The following ANK3 variants were observed in gnomAD, a reference collection of about 807,000 sequenced individuals.
ANK3 encodes the protein ankyrin 3.
A neutral mutation model predicts 370.9 loss-of-function variants in ANK3; 57 were observed. The ratio of observed to expected loss-of-function variants is 0.15; its 90% confidence interval spans 0.12 to 0.19. The LOEUF (loss-of-function observed/expected upper bound fraction) is 0.19, where lower values mean the gene tolerates loss of function less well. Among genes scored for constraint, ANK3 ranks in the 10% least tolerant of loss-of-function variants. The pLI is 1.00. For synonymous variants in ANK3, 1,929 were observed against 1,946.3 expected, an observed-to-expected ratio of 0.99 and a Z score of 0.23; for missense variants, 4,439 against 5,302.1, an observed-to-expected ratio of 0.84 and a Z score of 5.06.
intron 25 of ANK3, among the ~76,000 whole-genome samples, chr10:60,114,537 A>C (rs931453803): frequency 3.3e-5 from 5 of 152,232 alleles, no homozygotes; most frequent in African/African-American, 1.2e-4. Context: ...GTTTTATTTC[A>C]ATCTTTTAAG....
At chr10:60,733,070 G>A (rs1179254368) in intron 1 of ANK3, among the ~76,000 whole-genome samples, 1 of 151,848 alleles carries the variant, frequency 6.6e-6, no homozygotes, top group East Asian at 2.0e-4. Flanking sequence ...CAACTTCCAG[G>A]CGCAACTGGA....
rs151125913 is a variant in ANK3, at chr10:60,287,096, A to C, written c.115-7457T>G. Among the ~76,000 whole-genome samples the C allele has an allele frequency of 3.8e-3, 577 of 152,196 alleles. 2 individuals are homozygous for C. Among genetic ancestry groups the C allele is most frequent in the Non-Finnish European group, 5.9e-3 (401 of 68,002 alleles). ...GGCTCACCATTTGGAGCCCAGGTTAATGTGGGGTCTCTTATTAGACTATCC... is the reference window on the plus strand; with the variant it reads ...GGCTCACCATTTGGAGCCCAGGTTACTGTGGGGTCTCTTATTAGACTATCC... On this transcript the variant is annotated intron_variant, in intron 1 of 43. Transcript: ENST00000280772.
At chr10:60,610,888 A>G (rs1002156325) in intron 2 of ANK3, among the ~76,000 whole-genome samples, 2 of 152,176 alleles carry the variant, frequency 1.3e-5, no homozygotes. Context: ...GCTAAACAGT[A>G]TGCTTTGTGT....
At chr10:60,408,003 C>T (rs2063487394) in intron 2 of ANK3, among the ~76,000 whole-genome samples, 1 of 152,184 alleles carries the variant, frequency 6.6e-6, no homozygotes, top group Non-Finnish European at 1.5e-5. Flanking sequence ...TGCTGACTTG[C>T]CCCTACCCCT....
At chr10:60,068,512 C>T in intron 37 of ANK3, 125 bp downstream of exon 37, 1 of 1,021,624 alleles carries the variant, frequency 9.8e-7, no homozygotes, top group South Asian at 1.6e-5. Context: ...ACGGTTAAGT[C>T]ACTCCACAGG....
chr10:60,144,215 A>G, intron 23 of ANK3: 1 of 447,474 alleles, frequency 2.2e-6, no homozygotes, highest in Non-Finnish European at 4.5e-6. Context: ...TAATTTTGTA[A>G]TAGGTAACCA....
intron 25 of ANK3, among the ~76,000 whole-genome samples, chr10:60,124,212 C>A (rs12250925): frequency 0.015 from 2,346 of 152,262 alleles, 63 homozygotes; most frequent in African/African-American, 0.054. Context: ...GGCTCAAGTG[C>A]AGTGGCGCTA....
At chr10:60,694,823 G>C (rs550266933) in intron 1 of ANK3, among the ~76,000 whole-genome samples, 42 of 150,356 alleles carry the variant, frequency 2.8e-4, no homozygotes, top group East Asian at 2.7e-3. Flanking sequence ...TCGAGACTAG[G>C]AAGAAACTGC....
chr10:60,514,406 G>A (rs1449610605), intron 2 of ANK3, among the ~76,000 whole-genome samples: 1 of 152,082 alleles, frequency 6.6e-6, no homozygotes, highest in African/African-American at 2.4e-5. Context: ...TAAGCAATCA[G>A]AATGGCCCAG....
upstream of ANK3, chr10:60,389,952 A>G: frequency 1.4e-6 from 1 of 701,688 alleles, no homozygotes; most frequent in East Asian, 1.3e-4. Flanking sequence ...CACATGCAGA[A>G]GCAAAAATCC....
intron 2 of ANK3, among the ~76,000 whole-genome samples, chr10:60,595,565 T>C (rs79739088): frequency 0.011 from 1,688 of 152,220 alleles, 38 homozygotes; most frequent in African/African-American, 0.039. Context: ...ATGTTATCTA[T>C]AAGAGCAACT....
Position 60,645,892 on chromosome 10 carries a change from G to A in ANK3, c.58-30668C>T, listed in dbSNP as rs112294522. ...AGGTAGTAACAGTCTCCCTTCTTGC[G>A]GAGCTTACAGTCTAGGAGGGTACAC... On this transcript the variant is annotated intron_variant, in intron 1 of 43. Coordinates refer to the ANK3 transcript ENST00000373827. Among the ~76,000 whole-genome samples, 140 of 152,260 alleles carry A rather than the reference G, an allele frequency of 9.2e-4. 1 individual carries two copies. Among genetic ancestry groups the A allele is most frequent in the Middle Eastern group, 6.8e-3 (2 of 294 alleles).
At chr10:60,631,514 G>C (rs1221608987) in intron 1 of ANK3, among the ~76,000 whole-genome samples, 3 of 152,030 alleles carry the variant, frequency 2.0e-5, no homozygotes, top group East Asian at 1.9e-4. Flanking sequence ...CCTGGTGACA[G>C]AGTGATACTC....
chr10:60,054,053 C>T (rs2131906251), intron 42 of ANK3, among the ~76,000 whole-genome samples: 1 of 152,310 alleles, frequency 6.6e-6, no homozygotes, highest in Non-Finnish European at 1.5e-5. Context: ...AGGTTTAAAA[C>T]TAAATTTTCA....
intron 2 of ANK3, among the ~76,000 whole-genome samples, chr10:60,497,810 T>C (rs2075698145): frequency 6.6e-6 from 1 of 152,162 alleles, no homozygotes; most frequent in African/African-American, 2.4e-5. Flanking sequence ...TCCTAGATGA[T>C]AACACAGAGA....
At chr10:60,101,936 CATTT>C (rs1394140433) in intron 28 of ANK3, among the ~76,000 whole-genome samples, 4 of 151,942 alleles carry the variant, frequency 2.6e-5, no homozygotes, top group Admixed American at 6.6e-5. Flanking sequence ...AGGCATCATT[CATTT>C]GAGAGCATAC....
At chr10:60,128,900 T>A (rs976163222) in intron 25 of ANK3, among the ~76,000 whole-genome samples, 1 of 152,214 alleles carries the variant, frequency 6.6e-6, no homozygotes, top group African/African-American at 2.4e-5. Context: ...CACTGTCTAA[T>A]CTGGATCACA....
chr10:60,275,651 T>C lies in ANK3; in HGVS notation c.414+3123A>G, dbSNP rs983115933. Among the ~76,000 whole-genome samples, 4 of 152,072 alleles carry C rather than the reference T, an allele frequency of 2.6e-5. No homozygotes were observed. In the East Asian group the frequency reaches 7.7e-4, roughly 29 times the overall value. ...CCCATACTTGTACTGTCTAACTTTG[T>C]CAGGATCCGACTTTCCCACCATAGG... is the stretch of plus-strand genomic sequence containing the variant. On this transcript the variant is annotated intron_variant, in intron 4 of 43. Transcript: ENST00000280772.
chr10:60,732,724 C>CTCTGAAGGTAACTTTCAGAG lies in ANK3; in HGVS notation c.57+519_57+538dup, dbSNP rs1217945393. ...CAAACAACAACAAAAAAACGCCTAA[C>CTCTGAAGGTAACTTTCAGAG]TCTGAAGGTAACTTTCAGAGTCTGA... On this transcript the variant is annotated intron_variant, in intron 1 of 43. Coordinates refer to the ANK3 transcript ENST00000373827. Among the ~76,000 whole-genome samples, 203 of 152,172 alleles carry CTCTGAAGGTAACTTTCAGAG rather than the reference C, an allele frequency of 1.3e-3. 1 individual carries two copies. The highest frequency in any genetic ancestry group is 2.5e-3 in the Admixed American group (38 of 15,296).
Sources: allele counts gnomAD v4.1 joint callset (sites outside exome capture counted in the v4.1 genomes callset), GRCh38; gene constraint gnomAD v4.1.1; transcripts MANE v1.5; gene names NCBI Gene and HGNC (gene_info 2026-07-23, HGNC 2026-07-21).